Variants in STX8 observed in about 807,000 individuals in gnomAD.
STX8 encodes the protein syntaxin 8.
In STX8, 23 loss-of-function variants were observed where a neutral mutation model predicts 37.5. The observed-to-expected ratio is 0.61, with a 90% CI of 0.44 to 0.87. The LOEUF (loss-of-function observed/expected upper bound fraction) is 0.87, where lower values mean the gene tolerates loss of function less well. Ranked by LOEUF, STX8 falls within the 40% of genes least tolerant of loss-of-function variation. STX8 has a pLI of 0.00. For synonymous variants in STX8, 115 were observed against 99.1 expected, an observed-to-expected ratio of 1.16 and a Z score of -0.95; for missense variants, 313 against 284.7, an observed-to-expected ratio of 1.10 and a Z score of -0.71.
rs991132605 is a variant in STX8 at position 9,507,340 on chromosome 17, C to T, written c.324-2178G>A. 6.6e-6 allele frequency among the ~76,000 whole-genome samples: 1 copy of T among 152,002 alleles called. No homozygotes were observed. The highest frequency in any genetic ancestry group is 2.4e-5 in the African/African-American group (1 of 41,396). ...GCCTGAAAAACAGCCCATGGGTCACCCCTAGCGGCAACTCCCCTAGGCCAG... is the reference window on the plus strand; with the variant it reads ...GCCTGAAAAACAGCCCATGGGTCACTCCTAGCGGCAACTCCCCTAGGCCAG... On this transcript the variant is annotated intron_variant, in intron 4 of 7. Coordinates refer to ENST00000306357, the MANE Select transcript of STX8 (RefSeq NM_004853.3). This position sits in a 1 kb window ranked among gnomAD's most constrained non-coding sequence, Gnocchi z 4.0.
At chr17:9,557,118 T>C (rs769183086) in intron 3 of STX8, 20 of 203,486 alleles carry the variant, frequency 9.8e-5, no homozygotes, top group Non-Finnish European at 1.7e-4. Context: ...TAGCTAGCCA[T>C]GGTCAAGGCG....
chr17:9,268,605 C>T (rs73976024), intron 7 of STX8, among the ~76,000 whole-genome samples: 3,897 of 152,244 alleles, frequency 0.026, 164 homozygotes, highest in African/African-American at 0.088. Context: ...ATCTGAGGAT[C>T]CCTAAAAGTG....
chr17:9,428,510 G>C (rs936468225), intron 6 of STX8, among the ~76,000 whole-genome samples: 12 of 152,206 alleles, frequency 7.9e-5, no homozygotes, highest in African/African-American at 2.7e-4. Flanking sequence ...AAAGTGCTGG[G>C]ATTACAGGCG....
intron 6 of STX8, among the ~76,000 whole-genome samples, chr17:9,470,572 T>G (rs978895426): frequency 1.3e-5 from 2 of 152,212 alleles, no homozygotes; most frequent in Non-Finnish European, 1.5e-5. Context: ...TCTGTATCTT[T>G]TTCCTTCTAA....
intron 4 of STX8, among the ~76,000 whole-genome samples, chr17:9,533,979 T>C (rs898546944): frequency 6.6e-6 from 1 of 152,166 alleles, no homozygotes; most frequent in African/African-American, 2.4e-5. Flanking sequence ...GTTTTTGGTA[T>C]AACATGATCA....
intron 6 of STX8, among the ~76,000 whole-genome samples, chr17:9,478,333 G>A (rs1373684740): frequency 2.0e-5 from 3 of 151,862 alleles, no homozygotes; most frequent in South Asian, 2.1e-4. Flanking sequence ...ACGGGGTTTC[G>A]CCATGTTGGC....
At chr17:9,316,191 G>A (rs1567780819) in intron 7 of STX8, among the ~76,000 whole-genome samples, 1 of 152,040 alleles carries the variant, frequency 6.6e-6, no homozygotes, top group Non-Finnish European at 1.5e-5. Flanking sequence ...CTTTGTCTAA[G>A]TATGATACTG....
chr17:9,510,736 A>C (rs560979001), intron 4 of STX8, among the ~76,000 whole-genome samples: 15 of 152,216 alleles, frequency 9.9e-5, no homozygotes, highest in Admixed American at 7.8e-4. Flanking sequence ...AACCAAACCC[A>C]AAATTAGTAA....
At chr17:9,506,974 G>A (rs73973791) in intron 4 of STX8, among the ~76,000 whole-genome samples, 10,602 of 151,802 alleles carry the variant, frequency 0.07, 1,296 homozygotes, top group African/African-American at 0.24. Flanking sequence ...CCCAGGGCTC[G>A]GGAATGGCTG....
At chr17:9,558,217 G>T (rs1907058189) in intron 2 of STX8, among the ~76,000 whole-genome samples, 2 of 152,208 alleles carry the variant, frequency 1.3e-5, no homozygotes, top group Non-Finnish European at 2.9e-5. Context: ...AAAACTGCCT[G>T]TGTAAGTTAA....
Position 9,507,592 on chromosome 17 carries a change from C to T in STX8, c.324-2430G>A, listed in dbSNP as rs924381790. 6.6e-6 allele frequency among the ~76,000 whole-genome samples: 1 copy of T among 152,226 alleles called. No homozygotes were observed. The highest frequency in any genetic ancestry group is 1.5e-5 in the Non-Finnish European group (1 of 68,034). On this transcript the variant is annotated intron_variant, in intron 4 of 7. Coordinates refer to ENST00000306357, the MANE Select transcript of STX8 (RefSeq NM_004853.3). The surrounding 1 kb of genome is among the most constrained non-coding windows in gnomAD (Gnocchi z 4.0). ...CAACAGGCCACCTCTGGCAGGCATA[C>T]TCCCAGACTGGCCAAGCAACCAAGC...
chr17:9,462,613 C>T (rs1248095643), intron 6 of STX8, among the ~76,000 whole-genome samples: 1 of 152,058 alleles, frequency 6.6e-6, no homozygotes, highest in East Asian at 1.9e-4. Context: ...ATCCCAGCTA[C>T]TCAGGAGGCT....
chr17:9,470,907 T>C (rs1027695146), intron 6 of STX8, among the ~76,000 whole-genome samples: 2 of 151,366 alleles, frequency 1.3e-5, no homozygotes, highest in Non-Finnish European at 3.0e-5. Context: ...TTTGTATTTT[T>C]TTTTTTTAGT....
At chr17:9,464,598 A>C (rs2142426291) in intron 6 of STX8, 1 of 152,278 alleles carries the variant, frequency 6.6e-6, no homozygotes, top group South Asian at 2.1e-4. Context: ...GTATCTCAAG[A>C]GTGTGTCATA....
chr17:9,575,174 T>C (rs967131906), intron 1 of STX8, among the ~76,000 whole-genome samples: 2 of 152,206 alleles, frequency 1.3e-5, no homozygotes, highest in African/African-American at 4.8e-5. Context: ...AAATCACCCT[T>C]ATCAGCTATT....
chr17:9,511,818 T>G (rs1035124184), intron 4 of STX8, among the ~76,000 whole-genome samples: 1 of 152,062 alleles, frequency 6.6e-6, no homozygotes, highest in African/African-American at 2.4e-5. Context: ...GCAGAAAACA[T>G]GATCTTATAG....
intron 6 of STX8, among the ~76,000 whole-genome samples, chr17:9,470,701 G>T (rs1905810934): frequency 6.6e-6 from 1 of 152,084 alleles, no homozygotes; most frequent in South Asian, 2.1e-4. Flanking sequence ...TGCAGAAAAA[G>T]CTAACACAGC....
intron 1 of STX8, among the ~76,000 whole-genome samples, chr17:9,575,258 A>G (rs777628646): frequency 2.6e-5 from 4 of 152,218 alleles, no homozygotes; most frequent in Non-Finnish European, 4.4e-5. Flanking sequence ...AATGCCTTAT[A>G]AACAAGTGCA....
chr17:9,274,415 G>A (rs1292313901), intron 7 of STX8, among the ~76,000 whole-genome samples: 1 of 152,024 alleles, frequency 6.6e-6, no homozygotes, highest in Non-Finnish European at 1.5e-5. Flanking sequence ...CACTTTGGGA[G>A]GCTGTAATCC....
Sources: allele counts gnomAD v4.1 joint callset (sites outside exome capture counted in the v4.1 genomes callset), GRCh38; gene constraint gnomAD v4.1.1; non-coding constraint Gnocchi (gnomAD v3.1); transcripts MANE v1.5; gene names NCBI Gene and HGNC (gene_info 2026-07-23, HGNC 2026-07-21).